CDH9: variants seen among roughly 807,000 people sequenced by gnomAD.
CDH9 encodes cadherin-9.
CDH9 carries 28 observed loss-of-function variants against 70.9 expected under a neutral mutation model. That is an observed-to-expected ratio of 0.40 (90% CI 0.29 to 0.54). The LOEUF is 0.54. CDH9 is among the 20% of genes least tolerant of loss of function. CDH9 has a pLI of 0.59. For synonymous variants in CDH9, 409 were observed against 343.1 expected (o/e 1.19, Z -2.12); for missense variants, 874 against 984.4 (o/e 0.89, Z 1.50).
In CDH9 at chr5:26,885,763, T is replaced by C. The variant is rs1740554454; in HGVS notation, c.1733A>G (p.Gln578Arg). Residue 578 changes from glutamine (Q) to arginine (R), a missense_variant, in exon 11 of 12, where the codon CAA becomes CGA. Gln to Arg is a conservative substitution (Grantham distance 43). Transcript: ENST00000231021. ...ILIFDNDYPI[Q>R]SSTGTLTIRV... ...GATAGTGAGTGTACCAGTGCTGCTTTGAATTGGATAATCGTTGTCAAAGAT... is the reference window on the plus strand; with the variant it reads ...GATAGTGAGTGTACCAGTGCTGCTTCGAATTGGATAATCGTTGTCAAAGAT... The C allele has an allele frequency of 6.2e-7, 1 of 1,613,964 alleles. No homozygotes were observed.
chr5:26,901,597 G>A (rs529438978), intron 7 of CDH9, among the ~76,000 whole-genome samples: 1 of 151,908 alleles, frequency 6.6e-6, no homozygotes, highest in Non-Finnish European at 1.5e-5. Flanking sequence ...TAAATGTTAA[G>A]CAAAGTAGAA....
chr5:26,954,678 C>A (rs1023292889), intron 2 of CDH9, among the ~76,000 whole-genome samples: 8 of 152,038 alleles, frequency 5.3e-5, no homozygotes, highest in African/African-American at 1.9e-4. Context: ...GCCACCGCGC[C>A]CAGCTCTATA....
intron 1 of CDH9, among the ~76,000 whole-genome samples, chr5:27,001,238 G>C (rs1030743895): frequency 6.6e-6 from 1 of 152,072 alleles, no homozygotes; most frequent in African/African-American, 2.4e-5. Flanking sequence ...GAAGAGAGTG[G>C]GAGGAAAACA....
At chr5:26,930,151 T>C (rs1283008535) in intron 2 of CDH9, among the ~76,000 whole-genome samples, 8 of 151,964 alleles carry the variant, frequency 5.3e-5, no homozygotes, top group African/African-American at 1.9e-4. Context: ...ATATAAAAAA[T>C]TCAAAATAAT....
At chr5:26,920,151 C>T (rs1741219294) in intron 2 of CDH9, among the ~76,000 whole-genome samples, 1 of 152,008 alleles carries the variant, frequency 6.6e-6, no homozygotes, top group Non-Finnish European at 1.5e-5. Context: ...AAGCCCACTT[C>T]CCTGAAGGGA....
chr5:27,026,721 T>G (rs953597660), intron 1 of CDH9, among the ~76,000 whole-genome samples: 1 of 151,874 alleles, frequency 6.6e-6, no homozygotes, highest in African/African-American at 2.4e-5. Context: ...ATACTATAAA[T>G]TTAAATATTT....
chr5:26,987,688 T>C (rs1052846868), intron 2 of CDH9, among the ~76,000 whole-genome samples: 2 of 151,990 alleles, frequency 1.3e-5, no homozygotes, highest in African/African-American at 4.8e-5. Context: ...TTTGTCTAGA[T>C]TACAAGCAGG....
chr5:26,913,753 ATGTTTG>A lies in CDH9; in HGVS notation c.523+1871_523+1876del, dbSNP rs201280149. ...GAAGGATTCTAAAATATATACATAT[ATGTTTG>A]TGTGTGTGTGTGTGTGTGTGTGTGT... On this transcript the variant is annotated intron_variant, in intron 3 of 11. Transcript: ENST00000231021. Among the ~76,000 whole-genome samples the A allele has an allele frequency of 1.2e-3, 144 of 125,164 alleles. 1 individual carries two copies. The highest frequency in any genetic ancestry group is 4.6e-3 in the African/African-American group (138 of 30,094). 82.1% of individuals were successfully genotyped at this position (125,164 alleles called of 152,430 possible). A position where few individuals can be genotyped will look rare whatever the true frequency, so the allele number is the denominator to read the frequency against.
At chr5:26,938,919 A>T (rs1741609500) in intron 2 of CDH9, among the ~76,000 whole-genome samples, 1 of 152,142 alleles carries the variant, frequency 6.6e-6, no homozygotes, top group Non-Finnish European at 1.5e-5. Context: ...AGTAACTCAG[A>T]TGATACTAGT....
intron 1 of CDH9, among the ~76,000 whole-genome samples, chr5:27,034,086 T>C (rs1018127346): frequency 5.3e-5 from 8 of 151,728 alleles, no homozygotes; most frequent in Non-Finnish European, 1.2e-4. Context: ...ATAAAGTATG[T>C]CGACTGCAGC....
intron 1 of CDH9, among the ~76,000 whole-genome samples, chr5:26,993,608 G>T (rs994463312): frequency 1.4e-5 from 2 of 138,942 alleles, no homozygotes; most frequent in Non-Finnish European, 3.0e-5. Flanking sequence ...CTGCCAGTTT[G>T]AAGTGAAGAA....
At position 26,919,969 on chromosome 5, in the gene CDH9, C is replaced by G. The variant is rs145543778; in HGVS notation, c.229-4045G>C. On this transcript the variant is annotated intron_variant, in intron 2 of 11. Transcript: ENST00000231021. ...CAGGTGTGATCAAGCACATTCCCAG[C>G]TGTGGTGGTCGTGGGAAGAGAATCC... Among the ~76,000 whole-genome samples, 87 of 152,214 alleles carry G rather than the reference C, an allele frequency of 5.7e-4. 2 individuals carry two copies. The highest frequency in any genetic ancestry group is 1.9e-3 in the African/African-American group (81 of 41,550).
intron 2 of CDH9, among the ~76,000 whole-genome samples, chr5:26,933,757 C>T (rs535282599): frequency 1.5e-3 from 225 of 150,062 alleles, no homozygotes; most frequent in African/African-American, 4.0e-3. Flanking sequence ...TCCAGCCAGG[C>T]GACAGAGCAA....
In CDH9 at chr5:26,881,102, C is replaced by T. The variant is rs1474904359; in HGVS notation, c.*34G>A. ...ACTCAATCTAATAACATAGACAGTACTTCCACTAATATTGATTAAGTCAAA... is the reference window on the plus strand; with the variant it reads ...ACTCAATCTAATAACATAGACAGTATTTCCACTAATATTGATTAAGTCAAA... On this transcript the variant is annotated 3_prime_UTR_variant, in exon 12 of 12. Coordinates refer to ENST00000231021, the MANE Select transcript of CDH9 (RefSeq NM_016279.4). The T allele has an allele frequency of 3.2e-6, 5 of 1,546,646 alleles. No individual in the cohort carries two copies. Among genetic ancestry groups the T allele is most frequent in the Admixed American group, 1.9e-5 (1 of 52,134 alleles).
intron 2 of CDH9, among the ~76,000 whole-genome samples, chr5:26,980,308 A>G (rs1742378502): frequency 6.6e-6 from 1 of 151,802 alleles, no homozygotes; most frequent in Admixed American, 6.6e-5. Context: ...CACTTTTTTT[A>G]TGCTTCTGTT....
chr5:26,896,046 C>A (rs1740744543), intron 7 of CDH9, among the ~76,000 whole-genome samples: 1 of 151,938 alleles, frequency 6.6e-6, no homozygotes, highest in Admixed American at 6.6e-5. Flanking sequence ...GTAGTACCAT[C>A]TGAAGAATAC....
chr5:26,972,397 A>G (rs1375116257), intron 2 of CDH9, among the ~76,000 whole-genome samples: 6 of 152,046 alleles, frequency 3.9e-5, no homozygotes, highest in African/African-American at 9.7e-5. Context: ...TCTGGAAACT[A>G]TTTTTCTTAT....
intron 7 of CDH9, among the ~76,000 whole-genome samples, chr5:26,901,994 T>C (rs1740862510): frequency 6.6e-6 from 1 of 151,964 alleles, no homozygotes; most frequent in Non-Finnish European, 1.5e-5. Flanking sequence ...TCATATTTTC[T>C]AGGAAAACAT....
intron 2 of CDH9, among the ~76,000 whole-genome samples, chr5:26,959,944 G>A (rs999903980): frequency 4.6e-5 from 7 of 151,842 alleles, no homozygotes; most frequent in Non-Finnish European, 7.4e-5. Flanking sequence ...AATAAATAGT[G>A]GTGTAAGTTG....
Sources: allele counts gnomAD v4.1 joint callset (sites outside exome capture counted in the v4.1 genomes callset), GRCh38; gene constraint gnomAD v4.1.1; transcripts MANE v1.5; gene names NCBI Gene and HGNC (gene_info 2026-07-23, HGNC 2026-07-21).